Variants in MDFIC2 observed in about 807,000 individuals in gnomAD.
MDFIC2 encodes the protein myoD family inhibitor domain-containing protein 2.
At chr3:70,282,746 C>G (rs1702101543) in intron 2 of MDFIC2, among the ~76,000 whole-genome samples, 1 of 152,172 alleles carries the variant, frequency 6.6e-6, no homozygotes, top group African/African-American at 2.4e-5. Context: ...AGACTTACCA[C>G]AGACTTGTTA....
intron 2 of MDFIC2, among the ~76,000 whole-genome samples, chr3:70,273,923 C>G (rs1010262313): frequency 8.5e-5 from 13 of 152,142 alleles, no homozygotes; most frequent in African/African-American, 2.7e-4. Flanking sequence ...CCTCCTTGGC[C>G]CCCAGAGCAG....
In MDFIC2 at chr3:70,306,022, A is replaced by G. The variant is rs545176283; in HGVS notation, c.88+5864T>C. Among the ~76,000 whole-genome samples the G allele has an allele frequency of 5.3e-5, 8 of 152,296 alleles. 1 individual carries two copies. The South Asian group carries it at 1.7e-3, about 32-fold the overall frequency. On this transcript the variant is annotated intron_variant, in intron 2 of 3. Transcript: ENST00000567252. ...ACCAGTGTATTCAAGGTGCCAAAAC[A>G]CTGATGATGTAACTTTTCTATGTCA...
intron 2 of MDFIC2, among the ~76,000 whole-genome samples, chr3:70,263,095 C>A (rs1008510380): frequency 6.6e-6 from 1 of 152,054 alleles, no homozygotes; most frequent in African/African-American, 2.4e-5. Flanking sequence ...TATCTTTGAG[C>A]ATATAGGACA....
chr3:70,202,429 T>C (rs1471083522), intron 3 of MDFIC2, among the ~76,000 whole-genome samples: 1 of 152,136 alleles, frequency 6.6e-6, no homozygotes, highest in Admixed American at 6.5e-5. Context: ...AGCCTTCTTG[T>C]TGTTGCTAAT....
rs192305061 is a variant in MDFIC2 at position 70,203,261 on chromosome 3, A to G, written c.310+3308T>C. On this transcript the variant is annotated intron_variant, in intron 3 of 3. Coordinates refer to ENST00000567252, the MANE Select transcript of MDFIC2 (RefSeq NM_001364677.1). Reference sequence around the variant, plus strand: ...GTTATCACAGAGAATTCAGCATCATAATGAGATTCATGACACAATGAATCC... The same window carrying G: ...GTTATCACAGAGAATTCAGCATCATGATGAGATTCATGACACAATGAATCC... 3.2e-3 allele frequency among the ~76,000 whole-genome samples: 490 copies of G among 152,242 alleles called. 2 individuals are homozygous for G. Among genetic ancestry groups the G allele is most frequent in the Non-Finnish European group, 5.3e-3 (361 of 68,004 alleles).
At chr3:70,257,566 A>G (rs764086273) in intron 2 of MDFIC2, among the ~76,000 whole-genome samples, 1 of 152,170 alleles carries the variant, frequency 6.6e-6, no homozygotes, top group Non-Finnish European at 1.5e-5. Flanking sequence ...TTGCAATGCC[A>G]TCAAAACCCA....
chr3:70,312,187 T>C (rs1373738611), intron 1 of MDFIC2, among the ~76,000 whole-genome samples: 1 of 152,206 alleles, frequency 6.6e-6, no homozygotes, highest in Admixed American at 6.5e-5. Flanking sequence ...GATATTTCTT[T>C]GCCCAGCAAC....
chr3:70,268,213 G>A (rs1701939733), intron 2 of MDFIC2, among the ~76,000 whole-genome samples: 1 of 152,148 alleles, frequency 6.6e-6, no homozygotes, highest in Admixed American at 6.5e-5. Context: ...GCTCACGCCT[G>A]TCATCCCAGC....
intron 2 of MDFIC2, among the ~76,000 whole-genome samples, chr3:70,262,082 T>C (rs1701872062): frequency 6.6e-6 from 1 of 152,190 alleles, no homozygotes; most frequent in African/African-American, 2.4e-5. Context: ...GATAAAGCCT[T>C]TTCTTTTCTC....
intron 3 of MDFIC2, among the ~76,000 whole-genome samples, chr3:70,199,216 T>G (rs1048254853): frequency 1.9e-4 from 29 of 152,290 alleles, no homozygotes; most frequent in African/African-American, 5.8e-4. Flanking sequence ...GGATTGGAGC[T>G]GGTGTTTCCT....
chr3:70,309,939 G>C (rs1024049601), intron 2 of MDFIC2, among the ~76,000 whole-genome samples: 11 of 152,096 alleles, frequency 7.2e-5, no homozygotes, highest in Non-Finnish European at 1.0e-4. Flanking sequence ...GGAAACAATT[G>C]ATTGGCCTAT....
At chr3:70,205,806 TG>T (rs1189144610) in intron 3 of MDFIC2, 4 of 152,104 alleles carry the variant, frequency 2.6e-5, no homozygotes. Context: ...CATTTTCCTT[TG>T]AGAAACTCCA....
At chr3:70,233,098 A>G (rs1701576347) in intron 2 of MDFIC2, among the ~76,000 whole-genome samples, 1 of 152,212 alleles carries the variant, frequency 6.6e-6, no homozygotes, top group Admixed American at 6.5e-5. Flanking sequence ...CTGAGGCACA[A>G]GAATCGCTTA....
chr3:70,311,005 G>A (rs1458843211), intron 2 of MDFIC2, among the ~76,000 whole-genome samples: 1 of 152,108 alleles, frequency 6.6e-6, no homozygotes, highest in Non-Finnish European at 1.5e-5. Context: ...TTGTCATGAT[G>A]ATTCAGCAAA....
chr3:70,223,372 A>C (rs1395797860), intron 2 of MDFIC2, among the ~76,000 whole-genome samples: 1 of 152,188 alleles, frequency 6.6e-6, no homozygotes, highest in Non-Finnish European at 1.5e-5. Context: ...CTTAAAAATC[A>C]ACTGAGATGA....
At chr3:70,272,866 A>G (rs1186910463) in intron 2 of MDFIC2, among the ~76,000 whole-genome samples, 1 of 152,242 alleles carries the variant, frequency 6.6e-6, no homozygotes, top group African/African-American at 2.4e-5. Context: ...AATAAAAAAG[A>G]GATCAGAGGA....
At position 70,290,515 on chromosome 3, in the gene MDFIC2, TTGTC is replaced by T. The variant is rs1329255867; in HGVS notation, c.88+21367_88+21370del. ...GCAGAGGTTATGGCTGTCTTTTTGT[TTGTC>T]TGTGCCCTGCCCCCAGAGGTGGAGC... On this transcript the variant is annotated intron_variant, in intron 2 of 3. Coordinates refer to ENST00000567252, the MANE Select transcript of MDFIC2 (RefSeq NM_001364677.1). 2.0e-5 allele frequency among the ~76,000 whole-genome samples: 3 copies of T among 152,320 alleles called. No individual in the cohort carries two copies. In the East Asian group the frequency reaches 5.8e-4, roughly 29 times the overall value.
At chr3:70,271,418 C>T (rs1019794274) in intron 2 of MDFIC2, among the ~76,000 whole-genome samples, 1 of 152,156 alleles carries the variant, frequency 6.6e-6, no homozygotes, top group Admixed American at 6.5e-5. Context: ...ATTTGGGATG[C>T]AGATTCAGTA....
At chr3:70,272,563 A>T (rs1057089494) in intron 2 of MDFIC2, among the ~76,000 whole-genome samples, 1 of 152,376 alleles carries the variant, frequency 6.6e-6, no homozygotes, top group South Asian at 2.1e-4. Context: ...TGCTATAAAC[A>T]TTCCCGTACA....
Sources: allele counts gnomAD v4.1 joint callset (sites outside exome capture counted in the v4.1 genomes callset), GRCh38; gene constraint gnomAD v4.1.1; transcripts MANE v1.5; gene names NCBI Gene and HGNC (gene_info 2026-07-23, HGNC 2026-07-21).